Variants in KIAA1328 observed in about 807,000 individuals in gnomAD.
The protein encoded by KIAA1328 is protein hinderin.
In KIAA1328, 52 loss-of-function variants were observed where a neutral mutation model predicts 68.1. The observed-to-expected ratio is 0.76, with a 90% CI of 0.61 to 0.96. The LOEUF (loss-of-function observed/expected upper bound fraction) is 0.96. Ranked by LOEUF, KIAA1328 falls within the 40% of genes least tolerant of loss-of-function variation. The pLI is 0.00. For synonymous variants in KIAA1328, 232 were observed against 239.4 expected (o/e 0.97, Z 0.28); for missense variants, 641 against 677.6 (o/e 0.95, Z 0.60).
intron 7 of KIAA1328, among the ~76,000 whole-genome samples, chr18:37,099,646 CGTT>C (rs1568403676): frequency 6.6e-6 from 1 of 152,058 alleles, no homozygotes; most frequent in African/African-American, 2.4e-5. Flanking sequence ...CTTTCTGTCT[CGTT>C]GATCTGTCTA....
intron 7 of KIAA1328, among the ~76,000 whole-genome samples, chr18:37,118,656 C>T (rs1246442970): frequency 1.3e-5 from 2 of 152,330 alleles, no homozygotes; most frequent in Middle Eastern, 3.4e-3. Flanking sequence ...GCAGTGTCAA[C>T]TTCCAGTTCA....
chr18:36,846,887 CT>C (rs1360136555), intron 4 of KIAA1328, among the ~76,000 whole-genome samples: 1 of 151,106 alleles, frequency 6.6e-6, no homozygotes, highest in Non-Finnish European at 1.5e-5. Flanking sequence ...ATCTCCAGAA[CT>C]TTTTTTTATC....
chr18:36,891,176 G>A (rs984091064), intron 5 of KIAA1328, among the ~76,000 whole-genome samples: 3 of 152,250 alleles, frequency 2.0e-5, no homozygotes, highest in East Asian at 1.9e-4. Flanking sequence ...TGGAGCCCAC[G>A]CCTCATACCA....
chr18:37,219,116 C>G (rs75648913), intron 9 of KIAA1328, among the ~76,000 whole-genome samples: 370 of 152,254 alleles, frequency 2.4e-3, no homozygotes, highest in African/African-American at 8.1e-3. Context: ...CACTCCAGAC[C>G]CTGTTTGCCT....
intron 7 of KIAA1328, among the ~76,000 whole-genome samples, chr18:37,115,685 A>C (rs2151916195): frequency 6.6e-6 from 1 of 152,248 alleles, no homozygotes; most frequent in South Asian, 2.1e-4. Context: ...CTGGAGAAAG[A>C]AATAAAAGTA....
intron 6 of KIAA1328, among the ~76,000 whole-genome samples, chr18:36,973,740 A>T (rs2151331196): frequency 6.6e-6 from 1 of 151,952 alleles, no homozygotes; most frequent in East Asian, 1.9e-4. Flanking sequence ...ATTGTCTTCC[A>T]GTTAGTGGTT....
At chr18:37,212,845 C>T (rs1289476814) in intron 9 of KIAA1328, among the ~76,000 whole-genome samples, 3 of 152,130 alleles carry the variant, frequency 2.0e-5, no homozygotes, top group Non-Finnish European at 4.4e-5. Context: ...CTCAGCCTCC[C>T]GAGTAGCTGG....
In KIAA1328 at chr18:37,067,539, A is replaced by G; in HGVS notation, c.1226A>G (p.Tyr409Cys). 2 of 1,522,942 alleles carry G rather than the reference A, an allele frequency of 1.3e-6. No homozygotes were observed. Among genetic ancestry groups the G allele is most frequent in the Non-Finnish European group, 1.8e-6 (2 of 1,140,362 alleles). 94.3% of individuals were successfully genotyped at this position (1,522,942 alleles called of 1,614,324 possible). A position where few individuals can be genotyped will look rare whatever the true frequency, so the allele number is the denominator to read the frequency against. Reference protein sequence around the residue: ...QQQLHQSRLDYNCLLKSNCDG... With the variant: ...QQQLHQSRLDCNCLLKSNCDG... ...CAGCTTCACCAGTCTCGACTGGATTACAATTGGTGAGTACTGCCTGTTCTT... is the reference window on the plus strand; with the variant it reads ...CAGCTTCACCAGTCTCGACTGGATTGCAATTGGTGAGTACTGCCTGTTCTT... Residue 409 changes from tyrosine to cysteine, a missense_variant, in exon 7 of 10, where the codon TAC becomes TGC. Tyr to Cys is a radical substitution (Grantham distance 194). Transcript: ENST00000280020.
chr18:37,016,934 T>G (rs1310661057), intron 6 of KIAA1328, among the ~76,000 whole-genome samples: 1 of 152,140 alleles, frequency 6.6e-6, no homozygotes, highest in East Asian at 1.9e-4. Flanking sequence ...GTTTCATCAA[T>G]TCTTTGTATG....
At position 37,222,128 on chromosome 18, in the gene KIAA1328, A is replaced by C; in HGVS notation, c.1635A>C (p.Arg545=). 5 of 1,612,374 alleles carry C rather than the reference A, an allele frequency of 3.1e-6. No individual in the cohort carries two copies. Among genetic ancestry groups the C allele is most frequent in the South Asian group, 2.2e-5 (2 of 90,536 alleles). The change falls in exon 10 of 10, where the codon CGA becomes CGC. Residue 545 remains arginine (R), a synonymous_variant. Transcript: ENST00000280020. ...EAGAWNHGTF[R]LSPLKSTRKK... is the part of the protein sequence containing the mutation. ...GGGCCTGGAATCATGGTACTTTCCG[A>C]CTCAGTCCTCTAAAATCAACCCGGA... is the stretch of plus-strand genomic sequence containing the variant.
At chr18:37,039,863 T>G (rs2055178039) in intron 6 of KIAA1328, among the ~76,000 whole-genome samples, 1 of 152,190 alleles carries the variant, frequency 6.6e-6, no homozygotes, top group South Asian at 2.1e-4. Context: ...TAGGTGTCTG[T>G]TAAACTGGTC....
intron 4 of KIAA1328, among the ~76,000 whole-genome samples, chr18:36,860,188 A>G (rs546040534): frequency 5.3e-5 from 8 of 152,322 alleles, no homozygotes; most frequent in Non-Finnish European, 1.2e-4. Context: ...TTGCTTTACT[A>G]GCATACCATG....
intron 5 of KIAA1328, among the ~76,000 whole-genome samples, chr18:36,927,820 AAAAG>A (rs545489928): frequency 1.6e-4 from 25 of 151,936 alleles, no homozygotes; most frequent in Non-Finnish European, 2.9e-4. Flanking sequence ...AGAGGAAAGA[AAAAG>A]AAAGAAAGGA....
At chr18:37,166,440 A>AT (rs567755291) in intron 8 of KIAA1328, among the ~76,000 whole-genome samples, 6 of 151,872 alleles carry the variant, frequency 4.0e-5, no homozygotes, top group South Asian at 2.1e-4. Flanking sequence ...TTTTGTTGTG[A>AT]TTTTTTTTAA....
chr18:36,844,071 A>G (rs2046946932), intron 3 of KIAA1328, 137 bp from the exon 4 acceptor site: 1 of 556,364 alleles, frequency 1.8e-6, no homozygotes, highest in Non-Finnish European at 3.2e-6. Context: ...AGTTCACAGT[A>G]GGTTTAAATT....
At position 37,007,607 on chromosome 18, in the gene KIAA1328, TAATATA is replaced by T. The variant is rs2053828747; in HGVS notation, c.576+48177_576+48182del. 2.0e-5 allele frequency among the ~76,000 whole-genome samples: 3 copies of T among 152,170 alleles called. No individual in the cohort carries two copies. The South Asian group carries it at 6.2e-4, about 32-fold the overall frequency. ...TGGAAAATTCTTAGAAATTCGATGA[TAATATA>T]AATAGAAGAGGAGCCAATCTGATGA... On this transcript the variant is annotated intron_variant, in intron 6 of 9. Coordinates refer to ENST00000280020, the MANE Select transcript of KIAA1328 (RefSeq NM_020776.3).
intron 5 of KIAA1328, among the ~76,000 whole-genome samples, chr18:36,952,595 T>C (rs2051206836): frequency 6.6e-6 from 1 of 152,208 alleles, no homozygotes; most frequent in Non-Finnish European, 1.5e-5. Flanking sequence ...GAGTTACGAT[T>C]TGAGCCAAGA....
chr18:37,146,488 G>A lies in KIAA1328; in HGVS notation c.1233-13712G>A, dbSNP rs190263003. ...ACCACATTTTTTAAATTCATTGATG[G>A]GCATTTAGGTTGATTCCATGTGTTT... On this transcript the variant is annotated intron_variant, in intron 7 of 9. Coordinates refer to ENST00000280020, the MANE Select transcript of KIAA1328 (RefSeq NM_020776.3). Among the ~76,000 whole-genome samples the A allele has an allele frequency of 7.9e-5, 12 of 152,152 alleles. No individual in the cohort carries two copies. In the East Asian group the frequency reaches 2.3e-3, roughly 29 times the overall value.
chr18:36,948,801 G>A (rs1253669061), intron 5 of KIAA1328, among the ~76,000 whole-genome samples: 2 of 152,098 alleles, frequency 1.3e-5, no homozygotes, highest in Admixed American at 6.5e-5. Context: ...CGCCCGCCTC[G>A]GCCTCCCAGA....
Sources: allele counts gnomAD v4.1 joint callset (sites outside exome capture counted in the v4.1 genomes callset), GRCh38; gene constraint gnomAD v4.1.1; transcripts MANE v1.5; gene names NCBI Gene and HGNC (gene_info 2026-07-23, HGNC 2026-07-21).